The following ATP9B variants were observed in gnomAD, a reference collection of about 807,000 sequenced individuals.
The protein encoded by ATP9B is probable phospholipid-transporting ATPase IIB.
In ATP9B, 110 loss-of-function variants were observed where a neutral mutation model predicts 146.1. The ratio of observed to expected loss-of-function variants is 0.75; its 90% CI spans 0.65 to 0.88. The LOEUF is 0.88. ATP9B is among the 40% of genes least tolerant of loss of function. The probability of loss-of-function intolerance (pLI) is 0.00; values close to 1 mark genes in which losing one functional copy is unlikely to be tolerated. For synonymous variants in ATP9B, 604 were observed against 569.7 expected, an observed-to-expected ratio of 1.06 and a Z score of -0.86; for missense variants, 1,499 against 1,496.4, an observed-to-expected ratio of 1.00 and a Z score of -0.03.
At chr18:79,259,058 C>T (rs1051507044) in intron 12 of ATP9B, among the ~76,000 whole-genome samples, 1 of 152,216 alleles carries the variant, frequency 6.6e-6, no homozygotes, top group African/African-American at 2.4e-5. Flanking sequence ...TGTCCTAACA[C>T]TCTTAAAAGG....
intron 16 of ATP9B, among the ~76,000 whole-genome samples, chr18:79,329,735 AG>A (rs1288395368): frequency 6.6e-6 from 1 of 152,246 alleles, no homozygotes; most frequent in Non-Finnish European, 1.5e-5. Flanking sequence ...CAACTGTAAA[AG>A]TTTAAGAGAA....
Position 79,156,588 on chromosome 18 carries a change from A to G in ATP9B, c.778+2033A>G, listed in dbSNP as rs534290242. On this transcript the variant is annotated intron_variant, in intron 7 of 29. Transcript: ENST00000426216. ...TTAAGCAGTTCCGTTTGCAAGGTTA[A>G]TCTTTTATGATAGCTGGTGTTTCCT... is the stretch of plus-strand genomic sequence containing the variant. Among the ~76,000 whole-genome samples the G allele has an allele frequency of 6.6e-5, 10 of 152,326 alleles. No individual in the cohort carries two copies. In the South Asian group the frequency reaches 2.1e-3, roughly 32 times the overall value.
At position 79,200,780 on chromosome 18, in the gene ATP9B, A is replaced by AGGTGGGGACT. The variant is rs1568389055; in HGVS notation, c.955-6156_955-6155insGTGGGGACTG. Among the ~76,000 whole-genome samples the AGGTGGGGACT allele has an allele frequency of 2.0e-4, 3 of 14,748 alleles. 1 individual carries two copies. Among genetic ancestry groups the AGGTGGGGACT allele is most frequent in the Admixed American group, 6.4e-4 (1 of 1,562 alleles). 9.7% of individuals were successfully genotyped at this position (14,748 alleles called of 152,430 possible). ...GTGGGAACGTTGGGGTCAGAGCAGA[A>AGGTGGGGACT]GTAGTGGTGGAATTGTTTTCATCAG... On this transcript the variant is annotated intron_variant, in intron 9 of 29. Coordinates refer to ENST00000426216, the MANE Select transcript of ATP9B (RefSeq NM_198531.5).
In ATP9B at chr18:79,157,345, G is replaced by A. The variant is rs530195259; in HGVS notation, c.778+2790G>A. Among the ~76,000 whole-genome samples, 16 of 126,526 alleles carry A rather than the reference G, an allele frequency of 1.3e-4. No homozygotes were observed. The East Asian group carries it at 2.0e-3, about 15-fold the overall frequency. 83.0% of individuals were successfully genotyped at this position (126,526 alleles called of 152,430 possible). A position where few individuals can be genotyped will look rare whatever the true frequency, so the allele number is the denominator to read the frequency against. ...TGGGAGGCATAGGTTGCAGTGAGCC[G>A]AGATTGTGCTAATGCACTCCAGGCT... On this transcript the variant is annotated intron_variant, in intron 7 of 29. Transcript: ENST00000426216.
At chr18:79,090,556 GTGATTTGTA>G (rs1661514922) in intron 1 of ATP9B, among the ~76,000 whole-genome samples, 1 of 152,176 alleles carries the variant, frequency 6.6e-6, no homozygotes, top group Admixed American at 6.5e-5. Flanking sequence ...ATGCGTGTTT[GTGATTTGTA>G]TGTCTTCTTT....
In ATP9B at chr18:79,113,236, T is replaced by G. The variant is rs1299726799; in HGVS notation, c.445-5T>G. On this transcript the variant is annotated splice_polypyrimidine_tract_variant and splice_region_variant and intron_variant, in intron 3 of 29. Coordinates refer to ENST00000426216, the MANE Select transcript of ATP9B (RefSeq NM_198531.5). ...ATTTTGTTAATTTTCTCTTTTCCTTTTTAGGTTTTGTATGAACAATTCAAG... is the reference window on the plus strand; with the variant it reads ...ATTTTGTTAATTTTCTCTTTTCCTTGTTAGGTTTTGTATGAACAATTCAAG... The G allele has an allele frequency of 6.6e-7, 1 of 1,508,418 alleles. No homozygotes were observed. The highest frequency in any genetic ancestry group is 2.3e-5 in the East Asian group (1 of 44,174). 93.4% of individuals were successfully genotyped at this position (1,508,418 alleles called of 1,614,324 possible).
intron 2 of ATP9B, among the ~76,000 whole-genome samples, chr18:79,097,994 C>G (rs62101097): frequency 0.018 from 2,781 of 152,172 alleles, 34 homozygotes; most frequent in South Asian, 0.054. Flanking sequence ...GTCCCACCAA[C>G]AAGGCTACAG....
chr18:79,096,139 A>C (rs1480344004), intron 1 of ATP9B, among the ~76,000 whole-genome samples: 3 of 152,098 alleles, frequency 2.0e-5, no homozygotes, highest in Non-Finnish European at 4.4e-5. Context: ...CATGTTTCAG[A>C]AGATTGGTTT....
intron 11 of ATP9B, among the ~76,000 whole-genome samples, chr18:79,228,427 C>G (rs1032705434): frequency 6.6e-6 from 1 of 152,236 alleles, no homozygotes; most frequent in Admixed American, 6.5e-5. Context: ...GAAGAAACCA[C>G]TGAAGGGTGC....
chr18:79,337,579 C>A, intron 19 of ATP9B, 130 bp downstream of exon 19: 1 of 1,228,746 alleles, frequency 8.1e-7, no homozygotes, highest in Non-Finnish European at 1.1e-6. Context: ...GCAGAGCTGC[C>A]CACCAGCTCC....
intron 1 of ATP9B, among the ~76,000 whole-genome samples, 192 bp from the exon 2 acceptor site, chr18:79,096,284 G>A (rs933995897): frequency 5.9e-5 from 9 of 152,158 alleles, no homozygotes; most frequent in Non-Finnish European, 1.0e-4. Flanking sequence ...AGCTAGCACA[G>A]GTCTCGTTGG....
chr18:79,080,645 T>G (rs1008957775), intron 1 of ATP9B, among the ~76,000 whole-genome samples: 3 of 152,224 alleles, frequency 2.0e-5, no homozygotes, highest in African/African-American at 7.2e-5. Flanking sequence ...TGTCCAGGAC[T>G]TCCAATACTA....
Position 79,344,360 on chromosome 18 carries a change from G to C in ATP9B, c.2472+6G>C, listed in dbSNP as rs375704520. On this transcript the variant is annotated splice_donor_region_variant and intron_variant, in intron 21 of 29. Coordinates refer to ENST00000426216, the MANE Select transcript of ATP9B (RefSeq NM_198531.5). Reference sequence around the variant, plus strand: ...TATCTGGGGACTCTCTGGAGGTAAGGCTGGACCCTGAGTGAGTACATGTCT... The same window carrying C: ...TATCTGGGGACTCTCTGGAGGTAAGCCTGGACCCTGAGTGAGTACATGTCT... The C allele has an allele frequency of 4.3e-6, 7 of 1,613,608 alleles. No homozygotes were observed. The highest frequency in any genetic ancestry group is 5.1e-6 in the Non-Finnish European group (6 of 1,179,688).
At chr18:79,335,887 T>G (rs1413130575) in intron 17 of ATP9B, among the ~76,000 whole-genome samples, 1 of 152,220 alleles carries the variant, frequency 6.6e-6, no homozygotes, top group African/African-American at 2.4e-5. Context: ...ACAAAGTCTG[T>G]GGCAGAAACA....
chr18:79,075,338 A>T (rs2072477242), intron 1 of ATP9B, among the ~76,000 whole-genome samples: 1 of 152,066 alleles, frequency 6.6e-6, no homozygotes, highest in African/African-American at 2.4e-5. Flanking sequence ...TTTTTTTTGT[A>T]GAGATGGGGT....
chr18:79,372,671 G>A (rs2097079035), intron 26 of ATP9B, 154 bp from the exon 27 acceptor site: 1 of 696,346 alleles, frequency 1.4e-6, no homozygotes. Flanking sequence ...TCAGGAAAAG[G>A]CGCCCGAAAT....
At position 79,377,361 on chromosome 18, in the gene ATP9B, G is replaced by C; in HGVS notation, c.3422G>C (p.Ser1141Thr). ...KYLRRKLSPP[S>T]YCKLAS ...CTGAGGCGCAAGCTCTCTCCTCCCA[G>C]CTACTGCAAGCTGGCCTCCTAAGGG... The change falls in exon 30 of 30, where the codon AGC (serine) becomes ACC (threonine). Residue 1141 changes from serine (S) to threonine (T), a missense_variant. Transcript: ENST00000426216. 1 of 1,609,448 alleles carries C rather than the reference G, an allele frequency of 6.2e-7. No homozygotes were observed. The highest frequency in any genetic ancestry group is 8.5e-7 in the Non-Finnish European group (1 of 1,180,006).
At chr18:79,165,006 G>A (rs182551043) in intron 7 of ATP9B, among the ~76,000 whole-genome samples, 1 of 152,078 alleles carries the variant, frequency 6.6e-6, no homozygotes, top group Non-Finnish European at 1.5e-5. Flanking sequence ...GTGAAGATCT[G>A]TTCTTACATA....
intron 12 of ATP9B, among the ~76,000 whole-genome samples, chr18:79,269,740 TG>T (rs1404941754): frequency 6.6e-6 from 1 of 152,256 alleles, no homozygotes; most frequent in Non-Finnish European, 1.5e-5. Flanking sequence ...TTGCTTCTGC[TG>T]TGTACTTGGA....
Sources: allele counts gnomAD v4.1 joint callset (sites outside exome capture counted in the v4.1 genomes callset), GRCh38; gene constraint gnomAD v4.1.1; transcripts MANE v1.5; gene names NCBI Gene and HGNC (gene_info 2026-07-23, HGNC 2026-07-21).